Variants in CERT1 observed in about 807,000 individuals in gnomAD.
The protein encoded by CERT1 is ceramide transfer protein.
A neutral mutation model predicts 87.9 loss-of-function variants in CERT1; 31 were observed. That is an observed-to-expected ratio of 0.35 (90% confidence interval 0.27 to 0.48). The LOEUF (loss-of-function observed/expected upper bound fraction) is 0.48. Ranked by LOEUF, CERT1 falls within the 20% of genes least tolerant of loss-of-function variation. The pLI, the probability that CERT1 is intolerant of heterozygous loss-of-function variation, is 0.99. For synonymous variants in CERT1, 289 were observed against 250.9 expected, an observed-to-expected ratio of 1.15 and a Z score of -1.44; for missense variants, 487 against 758.0, an observed-to-expected ratio of 0.64 and a Z score of 4.20.
chr5:75,498,358 C>T (rs894687564), intron 2 of CERT1, among the ~76,000 whole-genome samples: 3 of 152,200 alleles, frequency 2.0e-5, no homozygotes, highest in Non-Finnish European at 4.4e-5. Flanking sequence ...GTCTCCAGGG[C>T]ATGTCCGAGA....
At chr5:75,386,920 T>G (rs1048547252) in intron 12 of CERT1, among the ~76,000 whole-genome samples, 2 of 152,186 alleles carry the variant, frequency 1.3e-5, no homozygotes. Flanking sequence ...CAGGCTGGAG[T>G]GCAATGGCGC....
At chr5:75,442,458 C>T (rs983499828) in intron 3 of CERT1, among the ~76,000 whole-genome samples, 1 of 152,180 alleles carries the variant, frequency 6.6e-6, no homozygotes, top group African/African-American at 2.4e-5. Context: ...TGGGTTCAAG[C>T]AATCCACCTG....
chr5:75,499,664 C>T (rs567720697), intron 2 of CERT1, among the ~76,000 whole-genome samples: 1 of 152,320 alleles, frequency 6.6e-6, no homozygotes, highest in African/African-American at 2.4e-5. Context: ...GATTTGACTT[C>T]ACGGCCCATG....
At chr5:75,375,607 AAATAAATAAATAAATAAATAAATAAAAT>A (rs1257034894), downstream of CERT1, 97 of 141,444 alleles carry the variant, frequency 6.9e-4, 1 homozygote, top group African/African-American at 2.6e-3. Flanking sequence ...ATAAATAAAT[AAATAAATAAATAAATAAATAAATAAAAT>A]AAATAAAAAT....
intron 2 of CERT1, among the ~76,000 whole-genome samples, chr5:75,488,337 T>C (rs891259850): frequency 1.3e-5 from 2 of 151,800 alleles, no homozygotes; most frequent in African/African-American, 2.4e-5. Context: ...ACTCATAATA[T>C]TTTTTTTAAA....
chr5:75,388,173 T>A (rs1489158332), intron 12 of CERT1, among the ~76,000 whole-genome samples: 1 of 152,198 alleles, frequency 6.6e-6, no homozygotes, highest in African/African-American at 2.4e-5. Flanking sequence ...TAGCAGCTGA[T>A]CTCAAACTAT....
intron 2 of CERT1, among the ~76,000 whole-genome samples, chr5:75,462,686 G>C (rs1394218925): frequency 2.6e-5 from 4 of 152,002 alleles, no homozygotes; most frequent in Non-Finnish European, 4.4e-5. Flanking sequence ...TAAAAACGTG[G>C]GAAACAACAA....
At chr5:75,386,429 C>A (rs897286107) in intron 12 of CERT1, among the ~76,000 whole-genome samples, 3 of 152,176 alleles carry the variant, frequency 2.0e-5, no homozygotes, top group African/African-American at 7.2e-5. Context: ...GTATCCCCAA[C>A]AGCTAGAATA....
downstream of CERT1, chr5:75,374,018 A>G (rs1451082852): frequency 5.0e-6 from 2 of 398,522 alleles, no homozygotes; most frequent in African/African-American, 4.1e-5. Flanking sequence ...AGCAAGAGAT[A>G]GCTAGTGTTA....
At chr5:75,417,955 G>A (rs1172616750) in intron 6 of CERT1, among the ~76,000 whole-genome samples, 1 of 152,196 alleles carries the variant, frequency 6.6e-6, no homozygotes, top group African/African-American at 2.4e-5. Context: ...CTGGGAGTTC[G>A]AGACCAGCCT....
At chr5:75,511,633 CTCCCCTCCCCTGTCCTT>C (rs1768012658), upstream of CERT1, 1 of 1,486,008 alleles carries the variant, frequency 6.7e-7, no homozygotes, top group African/African-American at 1.4e-5. Context: ...ACTATTTACC[CTCCCCTCCCCTGTCCTT>C]TCCCCTCCCC....
At chr5:75,428,693 A>T (rs1763735693) in intron 3 of CERT1, among the ~76,000 whole-genome samples, 1 of 151,854 alleles carries the variant, frequency 6.6e-6, no homozygotes, top group Non-Finnish European at 1.5e-5. Context: ...AAAAAAAAAA[A>T]TATTTACAAG....
At chr5:75,406,282 ACT>A (rs1192630465) in intron 8 of CERT1, among the ~76,000 whole-genome samples, 8 of 152,068 alleles carry the variant, frequency 5.3e-5, no homozygotes, top group Non-Finnish European at 1.2e-4. Context: ...ACTGGAAAAC[ACT>A]CTTTACTCAA....
intron 10 of CERT1, among the ~76,000 whole-genome samples, chr5:75,399,771 T>C (rs756965100): frequency 1.3e-5 from 2 of 152,304 alleles, no homozygotes; most frequent in South Asian, 4.1e-4. Flanking sequence ...AGGATGTATA[T>C]GGAATACAAT....
chr5:75,473,001 A>C lies in CERT1; in HGVS notation c.232-13820T>G, dbSNP rs1765783521. On this transcript the variant is annotated intron_variant, in intron 2 of 16. Transcript: ENST00000643780. ...CTATTCACAACAGCCAAGATATGGA[A>C]TCAACCTCAGTGTCCATTAACAGAT... Among the ~76,000 whole-genome samples, 4 of 152,376 alleles carry C rather than the reference A, an allele frequency of 2.6e-5. No individual in the cohort carries two copies. In the South Asian group the frequency reaches 6.2e-4, roughly 24 times the overall value.
chr5:75,432,319 A>G (rs1037009495), intron 3 of CERT1, among the ~76,000 whole-genome samples: 2 of 151,998 alleles, frequency 1.3e-5, no homozygotes, highest in Non-Finnish European at 2.9e-5. Flanking sequence ...CTCCCAAAGT[A>G]CTGGGATTAC....
rs549717318 is a variant in CERT1, at chr5:75,485,623, C to A, written c.231+20359G>T. ...AAATTGACAAACCTTTGATCAACAA[C>A]CTAAGAAAAAGAGAGAAGACCCAAA... On this transcript the variant is annotated intron_variant, in intron 2 of 16. Coordinates refer to ENST00000643780, the MANE Select transcript of CERT1 (RefSeq NM_001379029.1). Among the ~76,000 whole-genome samples the A allele has an allele frequency of 6.6e-4, 100 of 151,734 alleles. 1 individual carries two copies. Among genetic ancestry groups the A allele is most frequent in the African/African-American group, 2.3e-3 (97 of 41,448 alleles).
At chr5:75,441,313 T>C (rs1352986562) in intron 3 of CERT1, among the ~76,000 whole-genome samples, 1 of 152,194 alleles carries the variant, frequency 6.6e-6, no homozygotes, top group South Asian at 2.1e-4. Flanking sequence ...TAATAGACTA[T>C]ACCATCTATA....
chr5:75,460,997 C>T (rs529787437), intron 2 of CERT1, among the ~76,000 whole-genome samples: 2 of 152,302 alleles, frequency 1.3e-5, no homozygotes, highest in South Asian at 4.1e-4. Flanking sequence ...TACAGAAAGA[C>T]ATAAGCGATA....
Sources: allele counts gnomAD v4.1 joint callset (sites outside exome capture counted in the v4.1 genomes callset), GRCh38; gene constraint gnomAD v4.1.1; transcripts MANE v1.5; gene names NCBI Gene and HGNC (gene_info 2026-07-23, HGNC 2026-07-21).